CAMSAP2: variants seen among roughly 807,000 people sequenced by gnomAD.
CAMSAP2 encodes the protein calmodulin regulated spectrin associated protein family member 2, also known as calmodulin-regulated spectrin-associated protein 2.
In CAMSAP2, 26 loss-of-function variants were observed where a neutral mutation model predicts 146.1. The ratio of observed to expected loss-of-function variants is 0.18; its 90% confidence interval spans 0.13 to 0.25. The LOEUF (loss-of-function observed/expected upper bound fraction) is 0.25, where lower values mean the gene tolerates loss of function less well. Ranked by LOEUF, CAMSAP2 falls within the 10% of genes least tolerant of loss-of-function variation. The probability of loss-of-function intolerance (pLI) is 1.00; values close to 1 mark genes in which losing one functional copy is unlikely to be tolerated. For missense variants in CAMSAP2, 1,381 were observed against 1,759.3 expected (o/e 0.78, Z 3.85); for synonymous variants, 499 against 596.6 (o/e 0.84, Z 2.38).
At chr1:200,822,611 C>A (rs922557670) in intron 4 of CAMSAP2, among the ~76,000 whole-genome samples, 3 of 152,150 alleles carry the variant, frequency 2.0e-5, no homozygotes, top group African/African-American at 7.2e-5. Context: ...TCATTTTGAT[C>A]AGTTGGTTAA....
At chr1:200,768,558 G>T (rs1665023143) in intron 2 of CAMSAP2, among the ~76,000 whole-genome samples, 1 of 152,182 alleles carries the variant, frequency 6.6e-6, no homozygotes, top group Admixed American at 6.5e-5. Flanking sequence ...TATTGTAGAA[G>T]AGATACCACT....
rs557712443 is a variant in CAMSAP2, at chr1:200,791,587, G to A, written c.400-15789G>A. On this transcript the variant is annotated intron_variant, in intron 2 of 16. Coordinates refer to ENST00000358823, the MANE Select transcript of CAMSAP2 (RefSeq NM_203459.4). ...TTTTTATGCTTTAGTTGGATAGCTTGAAATATCACTGGAAGTTGAGAACAG... is the reference window on the plus strand; with the variant it reads ...TTTTTATGCTTTAGTTGGATAGCTTAAAATATCACTGGAAGTTGAGAACAG... 9.9e-5 allele frequency among the ~76,000 whole-genome samples: 15 copies of A among 152,100 alleles called. No homozygotes were observed. In the South Asian group the frequency reaches 2.1e-3, roughly 21 times the overall value.
intron 11 of CAMSAP2, 131 bp from the exon 12 acceptor site, chr1:200,852,410 C>A: frequency 2.2e-6 from 2 of 930,158 alleles, no homozygotes; most frequent in Non-Finnish European, 1.6e-6. Flanking sequence ...CAACCACACC[C>A]ACATTCAGAA....
chr1:200,857,455 G>A lies in CAMSAP2; in HGVS notation c.4131+31G>A, dbSNP rs1282380288. ...CATGTTTGCATGAAAATTAAATTTG[G>A]CAAACTGTAGAAGTCTTTTATCCAT... On this transcript the variant is annotated intron_variant, in intron 16 of 16. Transcript: ENST00000358823. This position sits in a 1 kb window ranked among gnomAD's most constrained non-coding sequence, Gnocchi z 4.7. The A allele has an allele frequency of 6.9e-7, 1 of 1,450,044 alleles. No individual in the cohort carries two copies. 89.8% of individuals were successfully genotyped at this position (1,450,044 alleles called of 1,614,324 possible).
chr1:200,748,149 A>G (rs1664394489), intron 1 of CAMSAP2, among the ~76,000 whole-genome samples: 1 of 152,192 alleles, frequency 6.6e-6, no homozygotes, highest in South Asian at 2.1e-4. Flanking sequence ...AATCTCAAAT[A>G]TATACAATAA....
intron 2 of CAMSAP2, among the ~76,000 whole-genome samples, chr1:200,767,168 T>C (rs1171805095): frequency 6.6e-6 from 1 of 151,804 alleles, no homozygotes; most frequent in Non-Finnish European, 1.5e-5. Context: ...CCATCTCTAC[T>C]AAAAATACAA....
chr1:200,818,199 A>G (rs953849538), intron 4 of CAMSAP2, among the ~76,000 whole-genome samples: 2 of 152,232 alleles, frequency 1.3e-5, no homozygotes, highest in Non-Finnish European at 2.9e-5. Flanking sequence ...CATACACATT[A>G]TGAACCAAAT....
intron 3 of CAMSAP2, among the ~76,000 whole-genome samples, chr1:200,810,710 G>A (rs1199332283): frequency 2.7e-5 from 4 of 150,932 alleles, no homozygotes; most frequent in African/African-American, 4.9e-5. Flanking sequence ...CCAACATGGC[G>A]AAACCCTGTC....
intron 3 of CAMSAP2, among the ~76,000 whole-genome samples, chr1:200,811,303 A>C (rs962652513): frequency 1.3e-5 from 2 of 152,082 alleles, no homozygotes; most frequent in Admixed American, 6.6e-5. Flanking sequence ...TTTCCTACAC[A>C]TGCACAGTCC....
rs540982244 is a variant in CAMSAP2 at position 200,787,714 on chromosome 1, T to A, written c.400-19662T>A. On this transcript the variant is annotated intron_variant, in intron 2 of 16. Coordinates refer to ENST00000358823, the MANE Select transcript of CAMSAP2 (RefSeq NM_203459.4). ...AGAAGTTCTACTGTGGGTAAAATGC[T>A]ATCAAATGGCATCACATATTATAGA... is the stretch of plus-strand genomic sequence containing the variant. Among the ~76,000 whole-genome samples the A allele has an allele frequency of 2.6e-5, 4 of 152,324 alleles. No homozygotes were observed. In the East Asian group the frequency reaches 7.7e-4, roughly 29 times the overall value.
chr1:200,824,578 A>C (rs1165228566), intron 4 of CAMSAP2, among the ~76,000 whole-genome samples: 1 of 152,148 alleles, frequency 6.6e-6, no homozygotes, highest in Non-Finnish European at 1.5e-5. Context: ...CCCCTTCCAC[A>C]GTGAGAACTC....
intron 2 of CAMSAP2, among the ~76,000 whole-genome samples, 196 bp from the exon 3 acceptor site, chr1:200,807,180 A>G (rs2102143737): frequency 6.6e-6 from 1 of 152,336 alleles, no homozygotes; most frequent in South Asian, 2.1e-4. Flanking sequence ...TAGATCCTCA[A>G]TAAGTATTTG....
At chr1:200,806,421 ATGT>A (rs773414394) in intron 2 of CAMSAP2, among the ~76,000 whole-genome samples, 5 of 152,192 alleles carry the variant, frequency 3.3e-5, no homozygotes, top group Admixed American at 6.5e-5. Flanking sequence ...ATAATATCTA[ATGT>A]TGTCAAAAAT....
rs1159598846 is a variant in CAMSAP2, at chr1:200,857,715, A to T, written c.4132-39A>T. ...TTATTCAGCAAAATAAAGGGTTTTT[A>T]TTCGTGTTGTTATGTTGTTTTTGTT... is the stretch of plus-strand genomic sequence containing the variant. On this transcript the variant is annotated intron_variant, in intron 16 of 16. Transcript: ENST00000358823. The surrounding 1 kb of genome is among the most constrained non-coding windows in gnomAD (Gnocchi z 4.7). 6.7e-7 allele frequency: 1 copy of T among 1,486,694 alleles called. No homozygotes were observed. Among genetic ancestry groups the T allele is most frequent in the Non-Finnish European group, 9.1e-7 (1 of 1,103,942 alleles). 92.1% of individuals were successfully genotyped at this position (1,486,694 alleles called of 1,614,324 possible).
chr1:200,789,883 T>C (rs1248655713), intron 2 of CAMSAP2, among the ~76,000 whole-genome samples: 1 of 152,214 alleles, frequency 6.6e-6, no homozygotes, highest in Non-Finnish European at 1.5e-5. Context: ...AGATTTATAC[T>C]TAGTATTTAT....
intron 4 of CAMSAP2, among the ~76,000 whole-genome samples, chr1:200,819,030 A>T (rs1666679545): frequency 6.6e-6 from 1 of 152,224 alleles, no homozygotes; most frequent in African/African-American, 2.4e-5. Flanking sequence ...AATTTGTTTT[A>T]TGAAATATCT....
intron 1 of CAMSAP2, among the ~76,000 whole-genome samples, chr1:200,742,615 C>A (rs1664212485): frequency 6.6e-6 from 1 of 151,972 alleles, no homozygotes; most frequent in Non-Finnish European, 1.5e-5. Flanking sequence ...AAAGGTATTA[C>A]CTAATTATAT....
chr1:200,834,594 T>G (rs1389891477), intron 6 of CAMSAP2, among the ~76,000 whole-genome samples: 1 of 152,188 alleles, frequency 6.6e-6, no homozygotes, highest in African/African-American at 2.4e-5. Flanking sequence ...TGAGTCATAT[T>G]AATTTATGAA....
At chr1:200,823,740 T>C (rs1024723698) in intron 4 of CAMSAP2, among the ~76,000 whole-genome samples, 2 of 152,220 alleles carry the variant, frequency 1.3e-5, no homozygotes, top group African/African-American at 4.8e-5. Flanking sequence ...TCCCTTCTTA[T>C]TTTTGGAAGT....
Sources: allele counts gnomAD v4.1 joint callset (sites outside exome capture counted in the v4.1 genomes callset), GRCh38; gene constraint gnomAD v4.1.1; non-coding constraint Gnocchi (gnomAD v3.1); transcripts MANE v1.5; gene names NCBI Gene and HGNC (gene_info 2026-07-23, HGNC 2026-07-21).